Variants in CNBD1 observed in about 807,000 individuals in gnomAD.
CNBD1 encodes the protein cyclic nucleotide binding domain containing 1, also known as cyclic nucleotide-binding domain-containing protein 1.
In CNBD1, 71 loss-of-function variants were observed where a neutral mutation model predicts 54.4. The observed-to-expected ratio is 1.30, with a 90% CI of 1.08 to 1.59. The LOEUF is 1.59. CNBD1 is among the 40% of genes most tolerant of loss of function. The pLI is 0.00. For synonymous variants in CNBD1, 182 were observed against 170.7 expected (o/e 1.07, Z -0.51); for missense variants, 659 against 518.0 (o/e 1.27, Z -2.64).
intron 4 of CNBD1, among the ~76,000 whole-genome samples, chr8:87,023,448 C>G (rs933805851): frequency 2.6e-5 from 4 of 152,050 alleles, no homozygotes; most frequent in Non-Finnish European, 5.9e-5. Flanking sequence ...TGTATCACAT[C>G]CAAATAGTAT....
intron 4 of CNBD1, among the ~76,000 whole-genome samples, chr8:87,012,464 T>C (rs1309153412): frequency 6.6e-6 from 1 of 152,202 alleles, no homozygotes; most frequent in African/African-American, 2.4e-5. Context: ...CCAAAATATA[T>C]TTCCTTACCA....
chr8:87,127,593 C>T (rs1157834851), intron 4 of CNBD1, among the ~76,000 whole-genome samples: 1 of 152,042 alleles, frequency 6.6e-6, no homozygotes, highest in African/African-American at 2.4e-5. Context: ...ATTATGTTGT[C>T]TGCGAATAAA....
chr8:87,381,760 C>A (rs58479952), intron 10 of CNBD1, among the ~76,000 whole-genome samples: 8,703 of 151,622 alleles, frequency 0.057, 812 homozygotes, highest in African/African-American at 0.2. Flanking sequence ...TCACAGAATC[C>A]CCAAACCTGA....
chr8:86,946,248 A>T (rs1001423866), intron 4 of CNBD1, among the ~76,000 whole-genome samples: 1 of 152,242 alleles, frequency 6.6e-6, no homozygotes, highest in African/African-American at 2.4e-5. Flanking sequence ...GAATATTCAA[A>T]TTTCTCCTAC....
intron 4 of CNBD1, among the ~76,000 whole-genome samples, chr8:87,200,127 T>C (rs2130792901): frequency 6.6e-6 from 1 of 152,246 alleles, no homozygotes; most frequent in Middle Eastern, 3.4e-3. Flanking sequence ...CCATCCATTG[T>C]ACCAGCACAA....
At chr8:86,872,465 G>A (rs1422961687) in intron 1 of CNBD1, among the ~76,000 whole-genome samples, 1 of 152,014 alleles carries the variant, frequency 6.6e-6, no homozygotes, top group Non-Finnish European at 1.5e-5. Flanking sequence ...AGGATTATTG[G>A]ATCATATGGT....
chr8:87,132,261 A>G lies in CNBD1; in HGVS notation c.432-73732A>G, dbSNP rs113976705. On this transcript the variant is annotated intron_variant, in intron 4 of 10. Transcript: ENST00000518476. ...GGCACTAATAACTTTTAAAATAGCC[A>G]TAACAACATTTTAGTAAGTTTGATA... is the stretch of plus-strand genomic sequence containing the variant. 3.3e-3 allele frequency among the ~76,000 whole-genome samples: 498 copies of G among 152,014 alleles called. 4 individuals carry two copies. Among genetic ancestry groups the G allele is most frequent in the African/African-American group, 0.011 (459 of 41,546 alleles).
intron 2 of CNBD1, among the ~76,000 whole-genome samples, chr8:87,388,336 A>G (rs1474214989): frequency 6.6e-6 from 1 of 151,320 alleles, no homozygotes; most frequent in Non-Finnish European, 1.5e-5. Context: ...GAAAAGATCA[A>G]CGAAATTGAT....
chr8:86,948,116 A>T (rs1475286933), intron 4 of CNBD1, among the ~76,000 whole-genome samples: 1 of 152,010 alleles, frequency 6.6e-6, no homozygotes, highest in Non-Finnish European at 1.5e-5. Flanking sequence ...GATGAATGGT[A>T]CTCCATTGTG....
intron 4 of CNBD1, among the ~76,000 whole-genome samples, chr8:87,167,150 A>G (rs1812979524): frequency 6.6e-6 from 1 of 151,958 alleles, no homozygotes; most frequent in African/African-American, 2.4e-5. Flanking sequence ...CTACCCTTTC[A>G]AATTTTTATT....
intron 4 of CNBD1, among the ~76,000 whole-genome samples, chr8:87,090,094 T>C (rs890406590): frequency 6.6e-6 from 1 of 152,182 alleles, no homozygotes; most frequent in Non-Finnish European, 1.5e-5. Flanking sequence ...CTATTTCACT[T>C]AATTGCTGTT....
chr8:87,080,522 G>C lies in CNBD1; in HGVS notation c.432-125471G>C, dbSNP rs562566390. On this transcript the variant is annotated intron_variant, in intron 4 of 10. Coordinates refer to ENST00000518476, the MANE Select transcript of CNBD1 (RefSeq NM_173538.3). Reference sequence around the variant, plus strand: ...GGAGGTGGAGGTTGCAGTGAGCCAAGATTGTGCCATTGCACTCCAGCCTGG... The same window carrying C: ...GGAGGTGGAGGTTGCAGTGAGCCAACATTGTGCCATTGCACTCCAGCCTGG... Among the ~76,000 whole-genome samples the C allele has an allele frequency of 7.9e-5, 12 of 151,370 alleles. No individual in the cohort carries two copies. The East Asian group carries it at 2.1e-3, about 27-fold the overall frequency.
intron 4 of CNBD1, among the ~76,000 whole-genome samples, chr8:87,031,999 C>G (rs926984984): frequency 1.3e-5 from 2 of 152,190 alleles, no homozygotes; most frequent in Non-Finnish European, 2.9e-5. Flanking sequence ...CCTCAGCCTC[C>G]CAAACTGCTG....
chr8:87,415,317 CCTA>C (rs920821994), intron 2 of CNBD1, among the ~76,000 whole-genome samples: 1 of 151,948 alleles, frequency 6.6e-6, no homozygotes, highest in Non-Finnish European at 1.5e-5. Flanking sequence ...TATTAAGAGT[CCTA>C]AGGTACTGCT....
chr8:87,298,497 T>C (rs965098261), intron 8 of CNBD1, among the ~76,000 whole-genome samples: 2 of 151,306 alleles, frequency 1.3e-5, no homozygotes, highest in African/African-American at 4.9e-5. Flanking sequence ...TCTTTTTTTT[T>C]TTTTTGAGAT....
intron 4 of CNBD1, among the ~76,000 whole-genome samples, chr8:87,149,707 G>A (rs975287729): frequency 8.5e-5 from 13 of 152,214 alleles, no homozygotes; most frequent in Admixed American, 2.0e-4. Flanking sequence ...GTGGACTCTT[G>A]TAAAGGGATA....
rs74964623 is a variant in CNBD1, at chr8:87,076,087, C to T, written c.432-129906C>T. Among the ~76,000 whole-genome samples the T allele has an allele frequency of 5.0e-3, 758 of 152,218 alleles. 14 individuals are homozygous for T. The highest frequency in any genetic ancestry group is 0.018 in the African/African-American group (731 of 41,516). On this transcript the variant is annotated intron_variant, in intron 4 of 10. Coordinates refer to ENST00000518476, the MANE Select transcript of CNBD1 (RefSeq NM_173538.3). ...TTTCAATTATGTTTCTGAAATAGTG[C>T]AGATGGGATAAGAGTGAGGAAGGCA... is the stretch of plus-strand genomic sequence containing the variant.
chr8:87,340,953 T>A (rs1302885452), intron 8 of CNBD1, among the ~76,000 whole-genome samples: 1 of 152,092 alleles, frequency 6.6e-6, no homozygotes, highest in East Asian at 1.9e-4. Context: ...TTTTTTCATG[T>A]TTCTTATAAA....
intron 4 of CNBD1, among the ~76,000 whole-genome samples, chr8:87,032,498 A>G (rs1563442588): frequency 1.3e-5 from 2 of 152,294 alleles, no homozygotes; most frequent in East Asian, 3.9e-4. Context: ...AAAAGTCTTC[A>G]TTCTTACTGT....
Sources: allele counts gnomAD v4.1 joint callset (sites outside exome capture counted in the v4.1 genomes callset), GRCh38; gene constraint gnomAD v4.1.1; transcripts MANE v1.5; gene names NCBI Gene and HGNC (gene_info 2026-07-23, HGNC 2026-07-21).